ARID1B: variants seen among roughly 807,000 people sequenced by gnomAD.
ARID1B encodes AT-rich interactive domain-containing protein 1B.
Under a neutral mutation model 212.3 loss-of-function variants are expected in ARID1B, and 30 were observed. That is an observed-to-expected ratio of 0.14 (90% CI 0.11 to 0.19). ARID1B has a LOEUF of 0.19. ARID1B is among the 10% of genes least tolerant of loss of function. ARID1B has a pLI of 1.00. For missense variants in ARID1B, 2,891 were observed against 3,204.0 expected (o/e 0.90, Z 2.36); for synonymous variants, 1,402 against 1,301.7 (o/e 1.08, Z -1.66).
At chr6:156,894,240 A>G (rs1788194195) in intron 2 of ARID1B, among the ~76,000 whole-genome samples, 1 of 101,850 alleles carries the variant, frequency 9.8e-6, no homozygotes. Context: ...CCAAATTCAT[A>G]GAGTCAGAAA....
In ARID1B at chr6:157,184,394, G is replaced by T; in HGVS notation, c.3878G>T (p.Gly1293Val). 6.2e-7 allele frequency: 1 copy of T among 1,614,114 alleles called. No homozygotes were observed. The highest frequency in any genetic ancestry group is 1.1e-5 in the South Asian group (1 of 91,072). The change falls in exon 13 of 20, where the codon GGG (glycine) becomes GTG (valine). Residue 1293 changes from glycine to valine, a missense_variant. Physicochemically the swap from Gly to Val is moderately radical, Grantham distance 109. This residue lies in a region of ARID1B where 666 missense variants were observed against 873.5 expected (regional missense o/e 0.76). Transcript: ENST00000636930. ...CCCCCGCCGGAAGTCTTCAGCACCG[G>T]GGACACCAAAAAGCAGCCCAAGCTC... ...EEPPPEVFST[G>V]DTKKQPKLQP...
intron 1 of ARID1B, among the ~76,000 whole-genome samples, chr6:156,814,644 G>A (rs72996913): frequency 0.052 from 7,909 of 152,272 alleles, 268 homozygotes; most frequent in Middle Eastern, 0.11. Flanking sequence ...CCATGAGCTT[G>A]CGGGAGAGAT....
At chr6:156,842,926 C>T (rs1198007178) in intron 2 of ARID1B, among the ~76,000 whole-genome samples, 1 of 152,228 alleles carries the variant, frequency 6.6e-6, no homozygotes, top group Non-Finnish European at 1.5e-5. Flanking sequence ...TTCTGCCTTT[C>T]TATTAGATAG....
At chr6:156,959,263 T>C (rs1472051754) in intron 4 of ARID1B, among the ~76,000 whole-genome samples, 1 of 152,202 alleles carries the variant, frequency 6.6e-6, no homozygotes, top group Non-Finnish European at 1.5e-5. Flanking sequence ...AAATCGTAGA[T>C]GCTCAAGTTC....
intron 6 of ARID1B, among the ~76,000 whole-genome samples, chr6:157,123,472 TC>T (rs35775610): frequency 6.6e-6 from 1 of 152,108 alleles, no homozygotes; most frequent in South Asian, 2.1e-4. Context: ...TGAGGCAGGA[TC>T]CCCCTCAGCT....
Position 156,861,542 on chromosome 6 carries a change from C to T in ARID1B, c.1986+32121C>T, listed in dbSNP as rs550485894. Among the ~76,000 whole-genome samples the T allele has an allele frequency of 1.9e-4, 29 of 152,076 alleles. 2 individuals are homozygous for T. The highest frequency in any genetic ancestry group is 1.3e-3 in the Admixed American group (20 of 15,282). Reference sequence around the variant, plus strand: ...AGGAGGATTGCCTGAACCCTGGAGGCGGAGGTTGCAGTGAGCTGTGATTGT... The same window carrying T: ...AGGAGGATTGCCTGAACCCTGGAGGTGGAGGTTGCAGTGAGCTGTGATTGT... On this transcript the variant is annotated intron_variant, in intron 2 of 19. Transcript: ENST00000636930.
chr6:157,133,260 TA>T (rs1186936425), intron 7 of ARID1B, 53 bp downstream of exon 7: 1 of 1,507,318 alleles, frequency 6.6e-7, no homozygotes, highest in Non-Finnish European at 8.9e-7. Context: ...GAAATTTTCT[TA>T]ATGTGCTAGT....
chr6:156,782,608 G>A (rs556024046), intron 1 of ARID1B, among the ~76,000 whole-genome samples: 3 of 152,268 alleles, frequency 2.0e-5, no homozygotes, highest in Non-Finnish European at 2.9e-5. Context: ...TGATTAGCTA[G>A]CATGCGAAGC....
Position 156,845,852 on chromosome 6 carries a change from C to T in ARID1B, c.1986+16431C>T, listed in dbSNP as rs539024455. On this transcript the variant is annotated intron_variant, in intron 2 of 19. Coordinates refer to ENST00000636930, the MANE Select transcript of ARID1B (RefSeq NM_001374828.1). The stretch of plus-strand genomic sequence containing the variant: ...CCTTATTAGTTGGGTGTTATAAGTC[C>T]TGGATTAATTCTTTAATTTTTGAAA... Among the ~76,000 whole-genome samples the T allele has an allele frequency of 3.9e-5, 6 of 151,980 alleles. No individual in the cohort carries two copies. The South Asian group carries it at 1.2e-3, about 32-fold the overall frequency.
At chr6:156,812,801 C>G (rs1781642498) in intron 1 of ARID1B, among the ~76,000 whole-genome samples, 1 of 149,546 alleles carries the variant, frequency 6.7e-6, no homozygotes, top group Admixed American at 6.7e-5. Context: ...CTTGATGGGA[C>G]AAGCTCGACT....
intron 12 of ARID1B, among the ~76,000 whole-genome samples, chr6:157,182,706 G>C (rs901761877): frequency 7.9e-5 from 12 of 152,200 alleles, no homozygotes; most frequent in African/African-American, 2.9e-4. Flanking sequence ...AAGAATTAGA[G>C]CTTGCCCATG....
At position 156,779,438 on chromosome 6, in the gene ARID1B, CGG is replaced by C; in HGVS notation, c.1759_1760del (p.Gly587HisfsTer30). The C allele has an allele frequency of 1.4e-6, 2 of 1,463,066 alleles. No individual in the cohort carries two copies. Among genetic ancestry groups the C allele is most frequent in the Admixed American group, 2.1e-5 (1 of 47,842 alleles). 90.6% of individuals were successfully genotyped at this position (1,463,066 alleles called of 1,614,324 possible). ...QQRSHPAMSPGTPGPTMGRSQ... is the reference protein window; with the variant it reads ...QQRSHPAMSPXTPGPTMGRSQ... Reference sequence around the variant, plus strand: ...AAAGGAGTCACCCGGCGATGAGCCCCGGCACCCCCGGACCGACCATGGGCAGA... The same window carrying C: ...AAAGGAGTCACCCGGCGATGAGCCCCCACCCCCGGACCGACCATGGGCAGA... On this transcript the variant is annotated frameshift_variant, in exon 1 of 20. Coordinates refer to ENST00000636930, the MANE Select transcript of ARID1B (RefSeq NM_001374828.1). LOFTEE classifies it high-confidence loss of function.
chr6:157,146,224 T>A (rs1218727782), intron 7 of ARID1B, among the ~76,000 whole-genome samples: 1 of 152,140 alleles, frequency 6.6e-6, no homozygotes, highest in Non-Finnish European at 1.5e-5. Context: ...GAAACCCCCA[T>A]CAAGTGGCAC....
At chr6:156,937,054 G>GC (rs1792295652) in intron 4 of ARID1B, 1 of 148,252 alleles carries the variant, frequency 6.7e-6, no homozygotes, top group South Asian at 2.1e-4. Context: ...TTATTGTGGT[G>GC]TTTTTCCCCC....
At chr6:156,994,821 C>T (rs927473) in intron 4 of ARID1B, among the ~76,000 whole-genome samples, 41,483 of 152,118 alleles carry the variant, frequency 0.27, 6,915 homozygotes, top group African/African-American at 0.46. Flanking sequence ...TCCCGGTGTG[C>T]CCTCACAGGA....
At chr6:156,962,488 G>A (rs1190084374) in intron 4 of ARID1B, among the ~76,000 whole-genome samples, 1 of 152,186 alleles carries the variant, frequency 6.6e-6, no homozygotes, top group Non-Finnish European at 1.5e-5. Flanking sequence ...GACGTGGAGG[G>A]AGACAAGGTC....
intron 1 of ARID1B, among the ~76,000 whole-genome samples, chr6:156,786,549 G>T (rs1344890382): frequency 2.6e-5 from 4 of 152,166 alleles, no homozygotes; most frequent in Non-Finnish European, 5.9e-5. Context: ...TCACATCTTT[G>T]TAAGATCAGT....
At chr6:156,796,464 T>C (rs558322372) in intron 1 of ARID1B, among the ~76,000 whole-genome samples, 146 of 152,226 alleles carry the variant, frequency 9.6e-4, no homozygotes, top group African/African-American at 3.4e-3. Flanking sequence ...GCAGCCACGT[T>C]TAAATCTCTG....
At position 157,184,428 on chromosome 6, in the gene ARID1B, A is replaced by G. The variant is rs1266145434; in HGVS notation, c.3912A>G (p.Pro1304=). The change falls in exon 13 of 20, where the codon CCA becomes CCG. Residue 1304 remains proline (P), a synonymous_variant. Coordinates refer to ENST00000636930, the MANE Select transcript of ARID1B (RefSeq NM_001374828.1). ...AAAAGCAGCCCAAGCTCCAGCCGCC[A>G]TCTCCTGGTAAGTGGCGGCGCTGCA... is the stretch of plus-strand genomic sequence containing the variant. ...DTKKQPKLQP[P]SPANSGSLQG... The G allele has an allele frequency of 1.2e-6, 2 of 1,614,052 alleles. No individual in the cohort carries two copies. The highest frequency in any genetic ancestry group is 1.7e-6 in the Non-Finnish European group (2 of 1,180,030).
Sources: gnomAD v4.1 joint callset for allele counts (sites outside exome capture counted in the v4.1 genomes callset) on GRCh38, gnomAD v4.1.1 for gene constraint, gnomAD v4.1.1 regional missense constraint, MANE v1.5 for transcripts, NCBI Gene and HGNC (gene_info 2026-07-23, HGNC 2026-07-21) for gene names.